Variants in DNAH17 observed in about 807,000 individuals in gnomAD.
DNAH17 encodes the protein dynein axonemal heavy chain 17.
DNAH17 carries 376 observed loss-of-function variants against 485.6 expected under a neutral mutation model. That is an observed-to-expected ratio of 0.77 (90% CI 0.71 to 0.84). The LOEUF (loss-of-function observed/expected upper bound fraction) is 0.84, where lower values mean the gene tolerates loss of function less well. Among genes scored for constraint, DNAH17 ranks in the 40% least tolerant of loss-of-function variants. DNAH17 has a pLI of 0.00. For synonymous variants in DNAH17, 3,031 were observed against 2,405.9 expected (o/e 1.26, Z -7.60); for missense variants, 6,370 against 5,839.3 (o/e 1.09, Z -2.96).
chr17:78,547,758 T>C (rs997233390), intron 16 of DNAH17, among the ~76,000 whole-genome samples: 13 of 151,992 alleles, frequency 8.6e-5, no homozygotes, highest in Admixed American at 6.6e-5. Context: ...GCTGGGATCA[T>C]AGGTGTGTGC....
chr17:78,460,243 C>T lies in DNAH17; in HGVS notation c.9354G>A (p.Lys3118=). The stretch of plus-strand genomic sequence containing the variant: ...CCAGGTCTGTTTCACAGGCCTTTTG[C>T]TTCTCAGTGACGTTCTGGAAGGAAG... ...VEVINKNVTE[K]QKACETDLAK... is the part of the protein sequence containing the mutation. The change falls in exon 59 of 81, where the codon AAG becomes AAA. Residue 3118 remains lysine, a synonymous_variant. Transcript: ENST00000389840. 9 of 1,601,766 alleles carry T rather than the reference C, an allele frequency of 5.6e-6. No individual in the cohort carries two copies. The highest frequency in any genetic ancestry group is 7.7e-6 in the Non-Finnish European group (9 of 1,173,380).
chr17:78,556,863 G>A (rs760892867), intron 14 of DNAH17, among the ~76,000 whole-genome samples: 2 of 152,186 alleles, frequency 1.3e-5, no homozygotes, highest in Non-Finnish European at 2.9e-5. Context: ...GGTGCTACAT[G>A]CAACAACATA....
intron 19 of DNAH17, among the ~76,000 whole-genome samples, chr17:78,535,067 G>T (rs1019729183): frequency 2.6e-5 from 4 of 152,154 alleles, no homozygotes; most frequent in Non-Finnish European, 4.4e-5. Context: ...TGGGCAACAG[G>T]CCCTTCAGCT....
At chr17:78,550,206 C>CA (rs1202205847) in intron 16 of DNAH17, among the ~76,000 whole-genome samples, 2 of 152,366 alleles carry the variant, frequency 1.3e-5, no homozygotes, top group Non-Finnish European at 2.9e-5. Flanking sequence ...TTACGACGTC[C>CA]AGCGGACATT....
At chr17:78,480,816 G>A in intron 48 of DNAH17, 30 bp from the exon 49 acceptor site, 1 of 1,550,498 alleles carries the variant, frequency 6.4e-7, no homozygotes, top group South Asian at 1.1e-5. Flanking sequence ...TTCATGTTGT[G>A]CCCCTGGCCT....
chr17:78,463,722 A>G (rs938596570), intron 56 of DNAH17, among the ~76,000 whole-genome samples: 2 of 152,276 alleles, frequency 1.3e-5, no homozygotes, highest in Non-Finnish European at 2.9e-5. Context: ...CCTGGGATTT[A>G]GAACTTCTTT....
chr17:78,526,378 C>T (rs1418026352), intron 24 of DNAH17, among the ~76,000 whole-genome samples: 3 of 152,150 alleles, frequency 2.0e-5, no homozygotes, highest in Admixed American at 1.3e-4. Context: ...GTTAAGGGGC[C>T]TGAGCCGTGG....
At position 78,530,339 on chromosome 17, in the gene DNAH17, C is replaced by T. The variant is rs756074019; in HGVS notation, c.3284+4G>A. 6 of 1,603,930 alleles carry T rather than the reference C, an allele frequency of 3.7e-6. No homozygotes were observed. The Admixed American group carries it at 1.0e-4, about 27-fold the overall frequency. Reference sequence around the variant, plus strand: ...GCTCCCCGAGTACATGGCTGGGGACCCACCTGTTGGTGACGTGGTTGCTCA... The same window carrying T: ...GCTCCCCGAGTACATGGCTGGGGACTCACCTGTTGGTGACGTGGTTGCTCA... On this transcript the variant is annotated splice_donor_region_variant and intron_variant, in intron 21 of 80. Coordinates refer to ENST00000389840, the MANE Select transcript of DNAH17 (RefSeq NM_173628.4).
In DNAH17 at chr17:78,425,565, C is replaced by T. The variant is rs372333782; in HGVS notation, c.12922G>A (p.Glu4308Lys). The change falls in exon 80 of 81, where the codon GAG becomes AAG. Residue 4308 changes from glutamate (E) to lysine (K), a missense_variant. Coordinates refer to ENST00000389840, the MANE Select transcript of DNAH17 (RefSeq NM_173628.4). ...AGGGCAAAGTCTGTCGTCCAGGCCTCGAGTTCCTGCAAGGACACACGAGCC... is the reference window on the plus strand; with the variant it reads ...AGGGCAAAGTCTGTCGTCCAGGCCTTGAGTTCCTGCAAGGACACACGAGCC... ...ADLLLRIREL[E>K]AWTTDFALPT... 1.0e-5 allele frequency: 16 copies of T among 1,607,166 alleles called. No individual in the cohort carries two copies. The highest frequency in any genetic ancestry group is 5.4e-5 in the African/African-American group (4 of 74,686).
intron 14 of DNAH17, among the ~76,000 whole-genome samples, chr17:78,554,436 CAAAAAAAAAAAAAAAAA>C (rs55701739): frequency 3.1e-3 from 99 of 32,270 alleles, no homozygotes; most frequent in African/African-American, 0.01. Flanking sequence ...GACTCTGTCT[CAAAAAAAAAAAAAAAAA>C]AAAAAAAAAA....
Position 78,423,824 on chromosome 17 carries a change from AAAG to A in DNAH17, c.*79_*81del, listed in dbSNP as rs376706067. 8.6e-6 allele frequency: 13 copies of A among 1,520,320 alleles called. No individual in the cohort carries two copies. The African/African-American group carries it at 9.6e-5, about 11-fold the overall frequency. 94.2% of individuals were successfully genotyped at this position (1,520,320 alleles called of 1,614,324 possible). A position where few individuals can be genotyped will look rare whatever the true frequency, so the allele number is the denominator to read the frequency against. On this transcript the variant is annotated 3_prime_UTR_variant, in exon 81 of 81. Transcript: ENST00000389840. ...ACGAAAAACCACCACCAGTTCCTGT[AAAG>A]AATAAGTCACAGGTGCACAGGTGAA...
chr17:78,451,327 C>G (rs949498761), intron 66 of DNAH17, 142 bp downstream of exon 66: 1 of 684,662 alleles, frequency 1.5e-6, no homozygotes, highest in Non-Finnish European at 2.4e-6. Flanking sequence ...GCTGTGATGC[C>G]GTGGGACACA....
At chr17:78,439,754 C>T (rs2086996417) in intron 72 of DNAH17, among the ~76,000 whole-genome samples, 2 of 148,528 alleles carry the variant, frequency 1.3e-5, no homozygotes, top group South Asian at 2.1e-4. Context: ...ACTGCAACCT[C>T]CACCTCCCGG....
In DNAH17 at chr17:78,454,799, G is replaced by A. The variant is rs376296061; in HGVS notation, c.10171-94C>T. On this transcript the variant is annotated intron_variant, in intron 63 of 80. Transcript: ENST00000389840. ...CAAATAATGCTCTGTCTGGTGCTGCGGTTAGGGGTGGACCAGCAGGACGAC... is the reference window on the plus strand; with the variant it reads ...CAAATAATGCTCTGTCTGGTGCTGCAGTTAGGGGTGGACCAGCAGGACGAC... The A allele has an allele frequency of 9.2e-5, 103 of 1,113,788 alleles. No individual in the cohort carries two copies. The East Asian group carries it at 1.4e-3, about 15-fold the overall frequency. 69.0% of individuals were successfully genotyped at this position (1,113,788 alleles called of 1,614,324 possible).
At chr17:78,501,430 G>T (rs539223974) in intron 34 of DNAH17, 86 bp from the exon 35 acceptor site, 28 of 1,466,452 alleles carry the variant, frequency 1.9e-5, no homozygotes, top group African/African-American at 2.8e-5. Context: ...TCCAAGGCCG[G>T]TCCCCTGCTG....
intron 1 of DNAH17, among the ~76,000 whole-genome samples, chr17:78,575,400 G>A (rs1400707318): frequency 2.0e-5 from 3 of 152,166 alleles, no homozygotes; most frequent in Non-Finnish European, 4.4e-5. Flanking sequence ...AAAAGGAAAT[G>A]GCCGCAACCA....
intron 2 of DNAH17, 101 bp from the exon 3 acceptor site, chr17:78,572,995 G>C: frequency 9.2e-7 from 1 of 1,088,378 alleles, no homozygotes; most frequent in East Asian, 2.6e-5. Flanking sequence ...CCGGTGTCTG[G>C]AGCCCTGGGA....
intron 69 of DNAH17, among the ~76,000 whole-genome samples, chr17:78,448,260 A>T (rs1454490468): frequency 6.6e-6 from 1 of 151,830 alleles, no homozygotes; most frequent in Non-Finnish European, 1.5e-5. Context: ...AGCTACAGGG[A>T]GGTTGAGGCA....
In DNAH17 at chr17:78,501,217, G is replaced by T. The variant is rs200399326; in HGVS notation, c.5450C>A (p.Thr1817Lys). The change falls in exon 35 of 81, where the codon ACG becomes AAG. Residue 1817 changes from threonine (T) to lysine (K), a missense_variant. By Grantham distance (78) the Thr-to-Lys change is moderately conservative. Coordinates refer to ENST00000389840, the MANE Select transcript of DNAH17 (RefSeq NM_173628.4). ...GAGTGGGGTGATGACCAGCCGCGGC[G>T]TGTTGCCCAGATACTCATAGGAATA... ...IQYSYEYLGN[T>K]PRLVITPLTD... 1 of 1,598,040 alleles carries T rather than the reference G, an allele frequency of 6.3e-7. No homozygotes were observed. The highest frequency in any genetic ancestry group is 8.6e-7 in the Non-Finnish European group (1 of 1,167,542).
Sources: allele counts gnomAD v4.1 joint callset (sites outside exome capture counted in the v4.1 genomes callset), GRCh38; gene constraint gnomAD v4.1.1; transcripts MANE v1.5; gene names NCBI Gene and HGNC (gene_info 2026-07-23, HGNC 2026-07-21).